Variants in CA1 observed in about 807,000 individuals in gnomAD.
The protein encoded by CA1 is carbonate dehydratase I.
A neutral mutation model predicts 28.8 loss-of-function variants in CA1; 27 were observed. The ratio of observed to expected loss-of-function variants is 0.94; its 90% CI spans 0.69 to 1.29. The LOEUF (loss-of-function observed/expected upper bound fraction) is 1.29. Ranked by LOEUF, CA1 falls within the 50% of genes most tolerant of loss-of-function variation. The pLI, the probability that CA1 is intolerant of heterozygous loss-of-function variation, is 0.00. For missense variants in CA1, 335 were observed against 310.5 expected (o/e 1.08, Z -0.59); for synonymous variants, 121 against 108.8 (o/e 1.11, Z -0.70).
At chr8:85,370,806 G>A (rs1474749267) in intron 1 of CA1, among the ~76,000 whole-genome samples, 1 of 152,078 alleles carries the variant, frequency 6.6e-6, no homozygotes, top group African/African-American at 2.4e-5. Context: ...ATTAAAAGAT[G>A]CACAATTTCA....
chr8:85,340,472 A>C (rs879582446), intron 2 of CA1, among the ~76,000 whole-genome samples: 1 of 152,214 alleles, frequency 6.6e-6, no homozygotes, highest in Non-Finnish European at 1.5e-5. Context: ...AGGAGCTCTG[A>C]TGGAGATGTA....
In CA1 at chr8:85,350,111, T is replaced by G. The variant is rs538707548; in HGVS notation, c.-24-8452A>C. On this transcript the variant is annotated intron_variant, in intron 1 of 7. Coordinates refer to ENST00000523022, the MANE Select transcript of CA1 (RefSeq NM_001128831.4). ...TGTTTTACTTTCTAAAAAATTTTTT[T>G]TCAAGTTGCTCCAGGCAAATGAGAG... is the stretch of plus-strand genomic sequence containing the variant. 5.3e-5 allele frequency among the ~76,000 whole-genome samples: 8 copies of G among 152,352 alleles called. No homozygotes were observed. In the South Asian group the frequency reaches 1.7e-3, roughly 32 times the overall value.
chr8:85,360,780 C>T (rs1326969495), intron 1 of CA1, among the ~76,000 whole-genome samples: 2 of 152,188 alleles, frequency 1.3e-5, no homozygotes, highest in Non-Finnish European at 2.9e-5. Context: ...TTACACCATC[C>T]CTGTTTCTTA....
intron 1 of CA1, among the ~76,000 whole-genome samples, chr8:85,351,148 A>C (rs1255630735): frequency 6.6e-6 from 1 of 152,190 alleles, no homozygotes; most frequent in Non-Finnish European, 1.5e-5. Flanking sequence ...CACACTTGCC[A>C]AATTGTTTGC....
chr8:85,367,306 T>A (rs1192211065), intron 1 of CA1, among the ~76,000 whole-genome samples: 3 of 152,134 alleles, frequency 2.0e-5, no homozygotes, highest in African/African-American at 7.2e-5. Flanking sequence ...ATTGGAAATC[T>A]CCTAACCAGA....
chr8:85,375,470 A>G (rs1278823626), intron 1 of CA1, among the ~76,000 whole-genome samples: 1 of 151,998 alleles, frequency 6.6e-6, no homozygotes, highest in Non-Finnish European at 1.5e-5. Context: ...CACCCGCCCT[A>G]CACTGACCAG....
intron 7 of CA1, among the ~76,000 whole-genome samples, chr8:85,329,012 G>A (rs867046142): frequency 6.6e-6 from 1 of 152,054 alleles, no homozygotes; most frequent in Non-Finnish European, 1.5e-5. Flanking sequence ...TATTAGCTTG[G>A]TACCTTAGTT....
At chr8:85,346,047 C>A (rs918607746) in intron 1 of CA1, among the ~76,000 whole-genome samples, 2 of 152,118 alleles carry the variant, frequency 1.3e-5, no homozygotes, top group African/African-American at 4.8e-5. Flanking sequence ...GTTAAATCTG[C>A]TAATGGGTGT....
intron 4 of CA1, among the ~76,000 whole-genome samples, chr8:85,334,117 G>T (rs915053790): frequency 6.6e-6 from 1 of 152,116 alleles, no homozygotes; most frequent in Admixed American, 6.6e-5. Flanking sequence ...CTCTAGATTT[G>T]TACATCCAAG....
intron 1 of CA1, among the ~76,000 whole-genome samples, chr8:85,376,518 C>T (rs764837493): frequency 2.4e-4 from 36 of 151,668 alleles, no homozygotes; most frequent in South Asian, 6.2e-4. Flanking sequence ...AAAAATTAGA[C>T]GGGCGTGGTG....
At chr8:85,343,050 T>C (rs1313899002) in intron 1 of CA1, 1 of 152,124 alleles carries the variant, frequency 6.6e-6, no homozygotes, top group Non-Finnish European at 1.5e-5. Flanking sequence ...AAAGTACTGT[T>C]TATTGAAGGC....
intron 2 of CA1, among the ~76,000 whole-genome samples, chr8:85,340,077 A>G (rs1023895369): frequency 1.3e-5 from 2 of 152,238 alleles, no homozygotes; most frequent in Non-Finnish European, 2.9e-5. Context: ...ACTACACTAA[A>G]CAACAGATTT....
intron 1 of CA1, among the ~76,000 whole-genome samples, chr8:85,359,374 A>G (rs1411518705): frequency 2.0e-5 from 3 of 152,232 alleles, no homozygotes; most frequent in Non-Finnish European, 4.4e-5. Context: ...GGAGTGGAGT[A>G]TGGGGAGAAT....
intron 2 of CA1, 187 bp downstream of exon 2, chr8:85,341,410 CAT>C: frequency 1.9e-6 from 1 of 522,196 alleles, no homozygotes; most frequent in Admixed American, 3.2e-5. Flanking sequence ...ATATATCAAA[CAT>C]ATTTTGTAGT....
At chr8:85,371,679 G>A (rs1302228410) in intron 1 of CA1, among the ~76,000 whole-genome samples, 1 of 152,088 alleles carries the variant, frequency 6.6e-6, no homozygotes, top group East Asian at 1.9e-4. Context: ...AACTTAATGA[G>A]AAAAATAAAA....
In CA1 at chr8:85,351,979, C is replaced by T. The variant is rs532136721; in HGVS notation, c.-24-10320G>A. On this transcript the variant is annotated intron_variant, in intron 1 of 7. Transcript: ENST00000523022. Reference sequence around the variant, plus strand: ...AAGCTAATTCCAACACAACTTAATCCCTTCATCATAATATGAACAAGGAAC... The same window carrying T: ...AAGCTAATTCCAACACAACTTAATCTCTTCATCATAATATGAACAAGGAAC... 1.4e-4 allele frequency among the ~76,000 whole-genome samples: 22 copies of T among 152,270 alleles called. 2 individuals carry two copies. The South Asian group carries it at 4.4e-3, about 30-fold the overall frequency.
chr8:85,339,321 A>G (rs1471108919), intron 2 of CA1, among the ~76,000 whole-genome samples: 1 of 152,170 alleles, frequency 6.6e-6, no homozygotes, highest in Non-Finnish European at 1.5e-5. Context: ...AAACTTTTTA[A>G]TTGTTCATAT....
chr8:85,360,553 C>A (rs1267118922), intron 1 of CA1, among the ~76,000 whole-genome samples: 1 of 152,040 alleles, frequency 6.6e-6, no homozygotes, highest in Non-Finnish European at 1.5e-5. Flanking sequence ...ATTAGCCAGG[C>A]GTGGTGGCAT....
chr8:85,369,225 A>T (rs1585968744), intron 1 of CA1, among the ~76,000 whole-genome samples: 1 of 152,152 alleles, frequency 6.6e-6, no homozygotes. Flanking sequence ...AGAGGTCAGC[A>T]TTGCAGTTTG....
Sources: gnomAD v4.1 joint callset for allele counts (sites outside exome capture counted in the v4.1 genomes callset) on GRCh38, gnomAD v4.1.1 for gene constraint, MANE v1.5 for transcripts, NCBI Gene and HGNC (gene_info 2026-07-23, HGNC 2026-07-21) for gene names.